Variants in RNF121 observed in about 807,000 individuals in gnomAD.
RNF121 encodes ring finger protein 121, also known as E3 ubiquitin ligase RNF121.
Under a neutral mutation model 46.5 loss-of-function variants are expected in RNF121, and 21 were observed. That is an observed-to-expected ratio of 0.45 (90% CI 0.32 to 0.65). The LOEUF (loss-of-function observed/expected upper bound fraction) is 0.65. RNF121 is among the 30% of genes least tolerant of loss of function. The pLI is 0.04. For synonymous variants in RNF121, 139 were observed against 144.7 expected (o/e 0.96, Z 0.28); for missense variants, 346 against 416.0 (o/e 0.83, Z 1.46).
chr11:71,987,085 C>T lies in RNF121; in HGVS notation c.480C>T (p.Thr160=), dbSNP rs752840273. ...TTGGCTACATGGCTGTCATGTTTAC[C>T]CTCTTTGGTCTTAACTTATTATTCA... The part of the protein sequence containing the change: ...GIVGYMAVMF[T]LFGLNLLFKI... Residue 160 remains threonine, a synonymous_variant, in exon 5 of 9, where the codon ACC becomes ACT. Coordinates refer to ENST00000361756, the MANE Select transcript of RNF121 (RefSeq NM_018320.5). The T allele has an allele frequency of 6.2e-7, 1 of 1,611,528 alleles. No individual in the cohort carries two copies. Among genetic ancestry groups the T allele is most frequent in the African/African-American group, 1.3e-5 (1 of 74,832 alleles).
chr11:71,967,131 A>T (rs1954295610), intron 3 of RNF121, among the ~76,000 whole-genome samples: 1 of 148,692 alleles, frequency 6.7e-6, no homozygotes, highest in East Asian at 1.9e-4. Flanking sequence ...TCGGCCTCCC[A>T]AAGTGCTGGG....
intron 4 of RNF121, among the ~76,000 whole-genome samples, chr11:71,986,505 C>T (rs760246595): frequency 6.6e-6 from 1 of 152,148 alleles, no homozygotes; most frequent in Non-Finnish European, 1.5e-5. Context: ...TGGTGGCTCA[C>T]GCCTATAATC....
intron 4 of RNF121, among the ~76,000 whole-genome samples, chr11:71,984,674 G>A (rs967516259): frequency 3.4e-5 from 5 of 148,830 alleles, no homozygotes; most frequent in South Asian, 2.1e-4. Context: ...TGCCTCCCAG[G>A]CTTAGGCGAT....
intron 1 of RNF121, among the ~76,000 whole-genome samples, chr11:71,943,111 G>T (rs1412648547): frequency 1.3e-5 from 2 of 152,146 alleles, no homozygotes; most frequent in Non-Finnish European, 2.9e-5. Context: ...TAATTTTGGG[G>T]AACACAAACA....
rs561379674 is a variant in RNF121 at position 71,995,717 on chromosome 11, CCA to C, written c.863+167_863+168del. On this transcript the variant is annotated intron_variant, in intron 8 of 8. Transcript: ENST00000361756. ...CTAGTCCTGCCCCCATGATACAACC[CCA>C]GTTTCCCTATTCTAGGATTATTGCC... 1.6e-3 allele frequency among the ~76,000 whole-genome samples: 243 copies of C among 152,286 alleles called. 1 individual carries two copies. The highest frequency in any genetic ancestry group is 7.4e-3 in the Admixed American group (113 of 15,306).
chr11:71,982,167 C>A (rs1333087654), intron 3 of RNF121, among the ~76,000 whole-genome samples: 1 of 151,852 alleles, frequency 6.6e-6, no homozygotes, highest in Non-Finnish European at 1.5e-5. Flanking sequence ...GTTGGATCCT[C>A]TCTACTAAAA....
At chr11:71,964,392 T>A (rs1954220324) in intron 3 of RNF121, among the ~76,000 whole-genome samples, 1 of 152,108 alleles carries the variant, frequency 6.6e-6, no homozygotes, top group African/African-American at 2.4e-5. Flanking sequence ...TAATAGTTTT[T>A]AAAGTTTTTT....
intron 1 of RNF121, among the ~76,000 whole-genome samples, chr11:71,956,633 G>A (rs755855569): frequency 1.1e-4 from 17 of 152,168 alleles, no homozygotes; most frequent in South Asian, 2.1e-4. Flanking sequence ...CTACCATAGG[G>A]CCATTTAGAG....
chr11:71,986,415 C>T (rs1954772073), intron 4 of RNF121, among the ~76,000 whole-genome samples: 1 of 152,184 alleles, frequency 6.6e-6, no homozygotes, highest in Non-Finnish European at 1.5e-5. Flanking sequence ...CAGCTGTGCT[C>T]CTTCTTTGAG....
intron 1 of RNF121, among the ~76,000 whole-genome samples, chr11:71,947,992 A>G (rs1953765536): frequency 6.6e-6 from 1 of 152,218 alleles, no homozygotes; most frequent in Non-Finnish European, 1.5e-5. Context: ...AGGAGTTCAT[A>G]GAGGATAGTT....
intron 1 of RNF121, among the ~76,000 whole-genome samples, chr11:71,942,422 C>T (rs796109408): frequency 1.5e-4 from 23 of 151,974 alleles, no homozygotes; most frequent in African/African-American, 5.3e-4. Context: ...TGTTTTAGTC[C>T]TTTTGGGCTG....
At chr11:71,980,818 G>T (rs1954635022) in intron 3 of RNF121, among the ~76,000 whole-genome samples, 2 of 152,062 alleles carry the variant, frequency 1.3e-5, no homozygotes, top group Non-Finnish European at 2.9e-5. Flanking sequence ...ATAGATATTT[G>T]ATTTCAAAGC....
At chr11:71,945,789 C>A (rs1463405686) in intron 1 of RNF121, among the ~76,000 whole-genome samples, 2 of 54,116 alleles carry the variant, frequency 3.7e-5, no homozygotes, top group Non-Finnish European at 9.0e-5. Context: ...TTTTACAACT[C>A]ATCAATAATA....
At chr11:71,971,134 G>A (rs11826336) in intron 3 of RNF121, among the ~76,000 whole-genome samples, 4,268 of 151,984 alleles carry the variant, frequency 0.028, 206 homozygotes, top group African/African-American at 0.098. Context: ...CTGTAATCCC[G>A]GCACTTTGGG....
chr11:71,943,255 C>T (rs894522627), intron 1 of RNF121, among the ~76,000 whole-genome samples: 3 of 152,074 alleles, frequency 2.0e-5, no homozygotes, highest in Non-Finnish European at 4.4e-5. Context: ...ATCAAGCTTG[C>T]TTTTATATTT....
intron 3 of RNF121, among the ~76,000 whole-genome samples, chr11:71,963,022 G>A (rs1954175664): frequency 6.6e-6 from 1 of 152,104 alleles, no homozygotes; most frequent in Non-Finnish European, 1.5e-5. Flanking sequence ...TTAGAGAAAT[G>A]TTTGTTTAAG....
chr11:71,966,378 A>G (rs972364308), intron 3 of RNF121, among the ~76,000 whole-genome samples: 1 of 152,182 alleles, frequency 6.6e-6, no homozygotes, highest in South Asian at 2.1e-4. Flanking sequence ...AGATAGTTCT[A>G]CAAGACTTCA....
chr11:71,943,554 G>A (rs1190446987), intron 1 of RNF121, among the ~76,000 whole-genome samples: 1 of 152,224 alleles, frequency 6.6e-6, no homozygotes, highest in Non-Finnish European at 1.5e-5. Context: ...GTCACATACT[G>A]TGAATTTACC....
At chr11:71,956,173 T>C (rs1447969239) in intron 1 of RNF121, among the ~76,000 whole-genome samples, 1 of 152,228 alleles carries the variant, frequency 6.6e-6, no homozygotes, top group Non-Finnish European at 1.5e-5. Context: ...AACAGGACCT[T>C]GAACATCTTA....
Sources: allele counts gnomAD v4.1 joint callset (sites outside exome capture counted in the v4.1 genomes callset), GRCh38; gene constraint gnomAD v4.1.1; transcripts MANE v1.5; gene names NCBI Gene and HGNC (gene_info 2026-07-23, HGNC 2026-07-21).